Variants in FBN3 observed in about 807,000 individuals in gnomAD.
FBN3 encodes fibrillin 3.
In FBN3, 234 loss-of-function variants were observed where a neutral mutation model predicts 330.1. The observed-to-expected ratio is 0.71, with a 90% CI of 0.64 to 0.79. FBN3 has a LOEUF of 0.79. Ranked by LOEUF, FBN3 falls within the 30% of genes least tolerant of loss-of-function variation. The pLI is 0.00. For missense variants in FBN3, 3,606 were observed against 3,886.9 expected (o/e 0.93, Z 1.92); for synonymous variants, 1,458 against 1,517.3 (o/e 0.96, Z 0.91).
intron 37 of FBN3, 48 bp from the exon 38 acceptor site, chr19:8,106,281 G>A (rs746443555): frequency 1.9e-6 from 3 of 1,607,442 alleles, no homozygotes; most frequent in East Asian, 4.5e-5. Context: ...CCCATGCAGA[G>A]GACTTAAGGG....
intron 63 of FBN3, among the ~76,000 whole-genome samples, chr19:8,068,824 A>T (rs2081449098): frequency 6.6e-6 from 1 of 152,154 alleles, no homozygotes; most frequent in East Asian, 1.9e-4. Context: ...CTGTAGACTC[A>T]GTGGCATAAG....
At chr19:8,135,936 G>GGGGGGGGGGGCCCCCCCC in intron 13 of FBN3, 25 bp downstream of exon 13, 4 of 668,746 alleles carry the variant, frequency 6.0e-6, no homozygotes, top group Non-Finnish European at 7.2e-6. Context: ...GGAAGCCCCT[G>GGGGGGGGGGGCCCCCCCC]CCCACCCGCC....
intron 13 of FBN3, 26 bp downstream of exon 13, chr19:8,135,935 T>TGGGGGGGGGGGGGGGGGGGGGGCGCC: frequency 7.4e-7 from 1 of 1,344,156 alleles, no homozygotes; most frequent in Non-Finnish European, 1.0e-6. Context: ...CGGAAGCCCC[T>TGGGGGGGGGGGGGGGGGGGGGGCGCC]GCCCACCCGC....
chr19:8,096,486 G>A lies in FBN3; in HGVS notation c.5497C>T (p.His1833Tyr), dbSNP rs1199620801. The A allele has an allele frequency of 6.2e-7, 1 of 1,613,990 alleles. No individual in the cohort carries two copies. The highest frequency in any genetic ancestry group is 1.7e-5 in the Admixed American group (1 of 60,006). Residue 1833 changes from histidine to tyrosine, a missense_variant, in exon 44 of 64, where the codon CAC becomes TAC. Transcript: ENST00000600128. This position sits in a 1 kb window ranked among gnomAD's most constrained non-coding sequence, Gnocchi z 4.6. Reference protein sequence around the residue: ...DTEGSYMCLCHRGFQASADQT... With the variant: ...DTEGSYMCLCYRGFQASADQT... The stretch of plus-strand genomic sequence containing the variant: ...TCTGCAGAGGCCTGGAATCCACGGT[G>A]ACACAGACACATGTAGCTGCCTTCT...
intron 63 of FBN3, among the ~76,000 whole-genome samples, chr19:8,068,078 T>G (rs1333206812): frequency 6.6e-6 from 1 of 151,434 alleles, no homozygotes; most frequent in Non-Finnish European, 1.5e-5. Flanking sequence ...AAAAAGAAAA[T>G]AAATTGATTT....
chr19:8,123,542 A>T lies in FBN3; in HGVS notation c.3004T>A (p.Cys1002Ser). ...VFPGLCTHGTCRNTVGSFHCA... is the reference protein window; with the variant it reads ...VFPGLCTHGTSRNTVGSFHCA... The stretch of plus-strand genomic sequence containing the variant: ...TGGAAGCTGCCCACCGTGTTTCTGC[A>T]GGTACCGTGCGTGCAGAGGCCAGGG... Residue 1002 changes from cysteine to serine, a missense_variant, in exon 24 of 64, where the codon TGC becomes AGC. By Grantham distance (112) the Cys-to-Ser change is moderately radical. Coordinates refer to ENST00000600128, the MANE Select transcript of FBN3 (RefSeq NM_032447.5). 1 of 1,614,180 alleles carries T rather than the reference A, an allele frequency of 6.2e-7. No individual in the cohort carries two copies. Among genetic ancestry groups the T allele is most frequent in the Admixed American group, 1.7e-5 (1 of 60,026 alleles).
At chr19:8,105,114 C>G (rs1467160052) in intron 38 of FBN3, among the ~76,000 whole-genome samples, 1 of 151,548 alleles carries the variant, frequency 6.6e-6, no homozygotes, top group Non-Finnish European at 1.5e-5. Context: ...GTCACTATGC[C>G]CGGCTAATTT....
At chr19:8,074,209 A>C (rs1020113993) in intron 61 of FBN3, among the ~76,000 whole-genome samples, 2 of 152,122 alleles carry the variant, frequency 1.3e-5, no homozygotes, top group Admixed American at 1.3e-4. Flanking sequence ...GGGGGGAGGA[A>C]ACAAGTTGAG....
intron 13 of FBN3, 25 bp downstream of exon 13, chr19:8,135,936 G>GGGGGGGGGGGGGGGCGCGCC: frequency 3.0e-6 from 2 of 668,778 alleles, no homozygotes; most frequent in Non-Finnish European, 4.8e-6. Context: ...GGAAGCCCCT[G>GGGGGGGGGGGGGGGCGCGCC]CCCACCCGCC....
chr19:8,072,339 G>A (rs2081534582), intron 62 of FBN3, 141 bp from the exon 63 acceptor site: 1 of 861,320 alleles, frequency 1.2e-6, no homozygotes. Flanking sequence ...ATGTGCTGGT[G>A]TGGCTCCGTG....
rs1400157532 is a variant in FBN3 at position 8,141,945 on chromosome 19, C to T, written c.734G>A (p.Cys245Tyr). 2 of 1,614,198 alleles carry T rather than the reference C, an allele frequency of 1.2e-6. No homozygotes were observed. Among genetic ancestry groups the T allele is most frequent in the Non-Finnish European group, 1.7e-6 (2 of 1,180,014 alleles). The change falls in exon 7 of 64, where the codon TGC (cysteine) becomes TAC (tyrosine). Residue 245 changes from cysteine (C) to tyrosine (Y), a missense_variant. Cys to Tyr is a radical substitution (Grantham distance 194). Coordinates refer to ENST00000600128, the MANE Select transcript of FBN3 (RefSeq NM_032447.5). ...GFIPNIHTGACQDVDECQAVP... is the reference protein window; with the variant it reads ...GFIPNIHTGAYQDVDECQAVP... ...GCCCTGACCCCACTATTCACCTTGG[C>T]AGGCCCCCGTGTGGATATTGGGGAT...
Position 8,109,689 on chromosome 19 carries a change from G to A in FBN3, c.4398C>T (p.Ser1466=), listed in dbSNP as rs778808388. The change falls in exon 35 of 64, where the codon AGC becomes AGT. Residue 1466 remains serine, a synonymous_variant. Coordinates refer to ENST00000600128, the MANE Select transcript of FBN3 (RefSeq NM_032447.5). This position sits in a 1 kb window ranked among gnomAD's most constrained non-coding sequence, Gnocchi z 5.2. The part of the protein sequence containing the change: ...INGVCINTPG[S]YLCSCPQDFE... The stretch of plus-strand genomic sequence containing the variant: ...AATCCTGGGGGCAGCTGCAGAGGTA[G>A]CTGCCGGGGGTGTTAATGCACACGC... The A allele has an allele frequency of 6.4e-7, 1 of 1,564,440 alleles. No homozygotes were observed. The highest frequency in any genetic ancestry group is 8.6e-7 in the Non-Finnish European group (1 of 1,157,350).
intron 6 of FBN3, 102 bp from the exon 7 acceptor site, chr19:8,142,239 G>T: frequency 1.1e-6 from 1 of 886,796 alleles, no homozygotes; most frequent in East Asian, 2.7e-5. Flanking sequence ...CCACAGACCA[G>T]GCTTTACTTA....
At chr19:8,144,751 G>A (rs1198945481) in intron 6 of FBN3, 126 bp downstream of exon 6, 8 of 666,356 alleles carry the variant, frequency 1.2e-5, no homozygotes, top group Non-Finnish European at 1.8e-5. Context: ...TCCTCAGACT[G>A]CCCCAAATGC....
At chr19:8,110,613 G>A (rs1263127303) in intron 34 of FBN3, among the ~76,000 whole-genome samples, 3 of 152,210 alleles carry the variant, frequency 2.0e-5, no homozygotes, top group African/African-American at 7.2e-5. Context: ...ACAGAGGTAG[G>A]AGACCCTTTC....
In FBN3 at chr19:8,144,869, C is replaced by A. The variant is rs750498398; in HGVS notation, c.541+8G>T. The A allele has an allele frequency of 1.9e-6, 3 of 1,598,622 alleles. No homozygotes were observed. The East Asian group carries it at 6.8e-5, about 36-fold the overall frequency. On this transcript the variant is annotated splice_region_variant and intron_variant, in intron 6 of 63. Transcript: ENST00000600128. ...CCTGTCTACCTCCCACCCGCGCATG[C>A]TTGGTACCTCTCTCACATTGAGGTC...
rs370249672 is a variant in FBN3 at position 8,072,236 on chromosome 19, C to T, written c.7938-38G>A. On this transcript the variant is annotated intron_variant, in intron 62 of 63. Transcript: ENST00000600128. ...GGGCAGGGTGGAGGGGTTTCAGAGG[C>T]GGGCTGATGGGACCTCCCCAGCCAC... 169 of 1,494,138 alleles carry T rather than the reference C, an allele frequency of 1.1e-4. 2 individuals carry two copies. The African/African-American group carries it at 1.3e-3, about 11-fold the overall frequency. The allele number at this position is 1,494,138 out of a possible 1,614,324, so 92.6% of individuals were successfully genotyped here. A position where few individuals can be genotyped will look rare whatever the true frequency, so the allele number is the denominator to read the frequency against.
chr19:8,115,918 G>A (rs2082695530), intron 29 of FBN3, among the ~76,000 whole-genome samples: 1 of 151,990 alleles, frequency 6.6e-6, no homozygotes, highest in South Asian at 2.1e-4. Flanking sequence ...TATATTTAGA[G>A]AAGGCTGAGA....
chr19:8,121,132 A>G lies in FBN3; in HGVS notation c.3211+126T>C, dbSNP rs2144894752. On this transcript the variant is annotated intron_variant, in intron 25 of 63. Transcript: ENST00000600128. The surrounding 1 kb of genome is among the most constrained non-coding windows in gnomAD (Gnocchi z 4.5). The stretch of plus-strand genomic sequence containing the variant: ...AGACTCACTGTACCTCAGCTAATTT[A>G]CAGCTCCTCCCTCCTCCTGCCCCCT... 1.1e-6 allele frequency: 1 copy of G among 931,420 alleles called. No individual in the cohort carries two copies. The highest frequency in any genetic ancestry group is 1.6e-6 in the Non-Finnish European group (1 of 619,364). 57.7% of individuals were successfully genotyped at this position (931,420 alleles called of 1,614,324 possible).
Sources: gnomAD v4.1 joint callset for allele counts (sites outside exome capture counted in the v4.1 genomes callset) on GRCh38, gnomAD v4.1.1 for gene constraint, Gnocchi (gnomAD v3.1) non-coding constraint, MANE v1.5 for transcripts, NCBI Gene and HGNC (gene_info 2026-07-23, HGNC 2026-07-21) for gene names.